PPFIA2: variants seen among roughly 807,000 people sequenced by gnomAD.
PPFIA2 encodes the protein PPFI scaffold protein A2.
Under a neutral mutation model 175.5 loss-of-function variants are expected in PPFIA2, and 46 were observed. That is an observed-to-expected ratio of 0.26 (90% CI 0.21 to 0.34). The LOEUF (loss-of-function observed/expected upper bound fraction) is 0.34. Among genes scored for constraint, PPFIA2 ranks in the 10% least tolerant of loss-of-function variants. The pLI, the probability that PPFIA2 is intolerant of heterozygous loss-of-function variation, is 1.00. For synonymous variants in PPFIA2, 568 were observed against 511.4 expected (o/e 1.11, Z -1.49); for missense variants, 1,179 against 1,506.1 (o/e 0.78, Z 3.60).
chr12:81,649,679 G>A (rs761273236), intron 4 of PPFIA2, among the ~76,000 whole-genome samples: 4 of 151,988 alleles, frequency 2.6e-5, no homozygotes, highest in Admixed American at 6.6e-5. Flanking sequence ...AACAAACTGC[G>A]GTATATGTAT....
intron 4 of PPFIA2, among the ~76,000 whole-genome samples, chr12:81,484,922 C>A (rs1435037061): frequency 6.6e-6 from 1 of 151,556 alleles, no homozygotes; most frequent in African/African-American, 2.4e-5. Context: ...GAAAGTGATT[C>A]AGTAAGTGAT....
intron 3 of PPFIA2, among the ~76,000 whole-genome samples, chr12:81,723,712 G>A (rs773122396): frequency 1.3e-5 from 2 of 150,896 alleles, no homozygotes; most frequent in Non-Finnish European, 3.0e-5. Flanking sequence ...CACAACTATT[G>A]TAATGCAAAT....
intron 3 of PPFIA2, among the ~76,000 whole-genome samples, chr12:81,723,625 G>A (rs187804072): frequency 6.6e-6 from 1 of 151,084 alleles, no homozygotes; most frequent in Admixed American, 6.6e-5. Flanking sequence ...CATAAAAAAC[G>A]ATGTCATCAC....
At position 81,726,526 on chromosome 12, in the gene PPFIA2, A is replaced by G. The variant is rs1315906401; in HGVS notation, c.249+27447T>C. Among the ~76,000 whole-genome samples the G allele has an allele frequency of 3.3e-5, 5 of 151,274 alleles. No individual in the cohort carries two copies. The East Asian group carries it at 9.7e-4, about 29-fold the overall frequency. On this transcript the variant is annotated intron_variant, in intron 3 of 32. Transcript: ENST00000549396. Reference sequence around the variant, plus strand: ...TACTGAAAACTTGCAGAAAGAGGGTAATATGCTAGACCCTGTATAAGTTTG... The same window carrying G: ...TACTGAAAACTTGCAGAAAGAGGGTGATATGCTAGACCCTGTATAAGTTTG...
chr12:81,591,513 G>C (rs192232939), intron 4 of PPFIA2, among the ~76,000 whole-genome samples: 3 of 152,128 alleles, frequency 2.0e-5, no homozygotes, highest in Non-Finnish European at 2.9e-5. Context: ...CCCTCTCATC[G>C]CAGGCCCAGA....
At chr12:81,576,282 G>T (rs2073530017) in intron 4 of PPFIA2, among the ~76,000 whole-genome samples, 1 of 151,762 alleles carries the variant, frequency 6.6e-6, no homozygotes, top group African/African-American at 2.4e-5. Flanking sequence ...AGGATAAAGA[G>T]ATGTTAGCCA....
At chr12:81,622,161 T>C (rs757407850) in intron 4 of PPFIA2, among the ~76,000 whole-genome samples, 1 of 152,182 alleles carries the variant, frequency 6.6e-6, no homozygotes, top group Non-Finnish European at 1.5e-5. Context: ...GCAATCCAGA[T>C]GGAATGAGAA....
chr12:81,600,885 T>C (rs2059721199), intron 4 of PPFIA2, among the ~76,000 whole-genome samples: 1 of 152,024 alleles, frequency 6.6e-6, no homozygotes, highest in South Asian at 2.1e-4. Context: ...TGTACTTTTA[T>C]GTTTGCCTGT....
In PPFIA2 at chr12:81,284,519, C is replaced by T. The variant is rs747493798; in HGVS notation, c.2926-216G>A. ...AACTAGAAAGAGGCATTCTGTGAAGCTCTTGGGGATGTAGATTTAAAATGA... is the reference window on the plus strand; with the variant it reads ...AACTAGAAAGAGGCATTCTGTGAAGTTCTTGGGGATGTAGATTTAAAATGA... On this transcript the variant is annotated intron_variant, in intron 24 of 32. Transcript: ENST00000549396. 20 of 528,918 alleles carry T rather than the reference C, an allele frequency of 3.8e-5. No homozygotes were observed. The Admixed American group carries it at 4.4e-4, about 12-fold the overall frequency. 32.8% of individuals were successfully genotyped at this position (528,918 alleles called of 1,614,324 possible).
intron 4 of PPFIA2, among the ~76,000 whole-genome samples, chr12:81,621,458 G>A (rs1324060759): frequency 6.6e-6 from 1 of 152,206 alleles, no homozygotes; most frequent in Non-Finnish European, 1.5e-5. Flanking sequence ...TGAGCAGTGG[G>A]ATGCCATAAC....
At chr12:81,489,044 AC>A (rs1337495135) in intron 4 of PPFIA2, among the ~76,000 whole-genome samples, 1 of 151,858 alleles carries the variant, frequency 6.6e-6, no homozygotes, top group East Asian at 1.9e-4. Context: ...CTTTTCTTGG[AC>A]CAGATATACC....
At chr12:81,369,861 AT>A (rs1464983709) in intron 11 of PPFIA2, among the ~76,000 whole-genome samples, 5 of 151,790 alleles carry the variant, frequency 3.3e-5, no homozygotes, top group African/African-American at 9.7e-5. Flanking sequence ...AAAGAACTAC[AT>A]TGATATTTGG....
Position 81,367,160 on chromosome 12 carries a change from A to T in PPFIA2, c.1493T>A (p.Ile498Asn). The T allele has an allele frequency of 7.1e-7, 1 of 1,418,412 alleles. No individual in the cohort carries two copies. The highest frequency in any genetic ancestry group is 1.5e-5 in the African/African-American group (1 of 68,366). 87.9% of individuals were successfully genotyped at this position (1,418,412 alleles called of 1,614,324 possible). The change falls in exon 14 of 33, where the codon ATT becomes AAT. Residue 498 changes from isoleucine (I) to asparagine (N), a missense_variant. Physicochemically the swap from Ile to Asn is moderately radical, Grantham distance 149. Coordinates refer to ENST00000549396, the MANE Select transcript of PPFIA2 (RefSeq NM_003625.5). ...CTTTCTGAAAGTTTCTGATTCTTGA[A>T]TTAAAACATTCTAAAGAAAAGAAAA... ...MAALEEKNVLIQESETFRKNL... is the reference protein window; with the variant it reads ...MAALEEKNVLNQESETFRKNL...
chr12:81,405,973 C>T, intron 7 of PPFIA2, 70 bp from the exon 8 acceptor site: 3 of 848,260 alleles, frequency 3.5e-6, no homozygotes, highest in Non-Finnish European at 5.5e-6. Context: ...AATGAATTTA[C>T]TTCAATGTGG....
chr12:81,489,220 G>A (rs1374490424), intron 4 of PPFIA2, among the ~76,000 whole-genome samples: 1 of 151,598 alleles, frequency 6.6e-6, no homozygotes, highest in Admixed American at 6.6e-5. Flanking sequence ...TAGTTGCTCA[G>A]TATTCTAATA....
At chr12:81,423,027 G>T (rs1267785670) in intron 7 of PPFIA2, among the ~76,000 whole-genome samples, 4 of 152,050 alleles carry the variant, frequency 2.6e-5, no homozygotes, top group African/African-American at 9.7e-5. Flanking sequence ...GAGCCAAGAA[G>T]GAATGGGTAA....
At chr12:81,600,766 T>C (rs116057970) in intron 4 of PPFIA2, among the ~76,000 whole-genome samples, 1,630 of 151,984 alleles carry the variant, frequency 0.011, 34 homozygotes, top group African/African-American at 0.033. Context: ...CCCCACAGAG[T>C]TGTGAGTAGA....
intron 21 of PPFIA2, among the ~76,000 whole-genome samples, chr12:81,333,736 G>A (rs2056581843): frequency 6.6e-6 from 1 of 151,956 alleles, no homozygotes. Context: ...AGCATTTAGG[G>A]GTAATACTAA....
At chr12:81,400,131 T>C (rs1456115028) in intron 8 of PPFIA2, among the ~76,000 whole-genome samples, 4 of 152,136 alleles carry the variant, frequency 2.6e-5, no homozygotes, top group Non-Finnish European at 5.9e-5. Flanking sequence ...TAGGATGAGA[T>C]ATTGATAAGC....
Sources: gnomAD v4.1 joint callset for allele counts (sites outside exome capture counted in the v4.1 genomes callset) on GRCh38, gnomAD v4.1.1 for gene constraint, MANE v1.5 for transcripts, NCBI Gene and HGNC (gene_info 2026-07-23, HGNC 2026-07-21) for gene names.